MICOS13: variants seen among roughly 807,000 people sequenced by gnomAD.
MICOS13 encodes MICOS complex subunit MIC13.
In MICOS13, 15 loss-of-function variants were observed where a neutral mutation model predicts 16.1. The observed-to-expected ratio is 0.93, with a 90% CI of 0.62 to 1.44. The LOEUF is 1.44. Ranked by LOEUF, MICOS13 falls within the 40% of genes most tolerant of loss-of-function variation. The pLI is 0.00. For synonymous variants in MICOS13, 61 were observed against 62.6 expected (o/e 0.97, Z 0.12); for missense variants, 164 against 155.0 (o/e 1.06, Z -0.31).
Position 5,679,714 on chromosome 19 carries a change from C to G in MICOS13, c.79G>C (p.Asp27His), listed in dbSNP as rs2054497604. The G allele has an allele frequency of 2.5e-6, 4 of 1,610,150 alleles. No individual in the cohort carries two copies. Among genetic ancestry groups the G allele is most frequent in the South Asian group, 1.1e-5 (1 of 90,902 alleles). The change falls in exon 2 of 4, where the codon GAC (aspartate) becomes CAC (histidine). Residue 27 changes from aspartate to histidine, a missense_variant. Transcript: ENST00000309324. ...TCGCTGGGCCCCAGCAGCTCCTGGTCGTACACCAGGTAGACGGCGCCCCCA... is the reference window on the plus strand; with the variant it reads ...TCGCTGGGCCCCAGCAGCTCCTGGTGGTACACCAGGTAGACGGCGCCCCCA... ...VAGGAVYLVYDQELLGPSDKS... is the reference protein window; with the variant it reads ...VAGGAVYLVYHQELLGPSDKS...
At position 5,678,747 on chromosome 19, in the gene MICOS13, T is replaced by A. The variant is rs188735056; in HGVS notation, c.260-99A>T. 1,580 of 199,096 alleles carry A rather than the reference T, an allele frequency of 7.9e-3. 17 individuals are homozygous for A. Among genetic ancestry groups the A allele is most frequent in the Non-Finnish European group, 8.8e-3 (853 of 97,428 alleles). The allele number at this position is 199,096 out of a possible 1,614,324, so 12.3% of individuals were successfully genotyped here. ...AGAGTTTGTTTTGGGCGGTGGGGGG[T>A]GGGTGGGGGGCGGGGATGGAGTCTC... On this transcript the variant is annotated intron_variant, in intron 3 of 3. Transcript: ENST00000309324.
rs1282039076 is a variant in MICOS13 at position 5,680,445 on chromosome 19, C to T, written c.29+13G>A. Reference sequence around the variant, plus strand: ...TTTCGGGGACTCGGGTCCCCTCCGGCGCCCCCACGCACCTCATCAGCGACC... The same window carrying T: ...TTTCGGGGACTCGGGTCCCCTCCGGTGCCCCCACGCACCTCATCAGCGACC... On this transcript the variant is annotated intron_variant, in intron 1 of 3. Transcript: ENST00000309324. 1.2e-6 allele frequency: 2 copies of T among 1,613,116 alleles called. No homozygotes were observed. Among genetic ancestry groups the T allele is most frequent in the South Asian group, 1.1e-5 (1 of 91,080 alleles).
intron 1 of MICOS13, 29 bp downstream of exon 1, chr19:5,680,429 C>T: frequency 6.2e-7 from 1 of 1,613,202 alleles, no homozygotes; most frequent in East Asian, 2.2e-5. Context: ...TTTTCGGGGA[C>T]TCGGGTCCCC....
rs764273384 is a variant in MICOS13, at chr19:5,679,567, C to T, written c.207+19G>A. ...CTGACCACCCGCCAAACCCTGGCCT[C>T]GTTCCCGGCCCGTAGTACCTGGGGT... On this transcript the variant is annotated intron_variant, in intron 2 of 3. Coordinates refer to ENST00000309324, the MANE Select transcript of MICOS13 (RefSeq NM_205767.3). 8 of 1,605,650 alleles carry T rather than the reference C, an allele frequency of 5.0e-6. No homozygotes were observed. In the Admixed American group the frequency reaches 1.2e-4, roughly 24 times the overall value.
Position 5,678,654 on chromosome 19 carries a change from G to T in MICOS13, c.260-6C>A. ...TGACATCACCGTCATGATGCCTGTG[G>T]GAAAGGGACGGCCACTGGTGATACT... On this transcript the variant is annotated splice_region_variant and splice_polypyrimidine_tract_variant and intron_variant, in intron 3 of 3. Coordinates refer to ENST00000309324, the MANE Select transcript of MICOS13 (RefSeq NM_205767.3). 6.6e-7 allele frequency: 1 copy of T among 1,520,790 alleles called. No individual in the cohort carries two copies. Among genetic ancestry groups the T allele is most frequent in the Non-Finnish European group, 8.8e-7 (1 of 1,131,652 alleles). The allele number at this position is 1,520,790 out of a possible 1,614,324, so 94.2% of individuals were successfully genotyped here.
rs201308097 is a variant in MICOS13, at chr19:5,679,643, G to A, written c.150C>T (p.Pro50=). 11 of 1,609,528 alleles carry A rather than the reference G, an allele frequency of 6.8e-6. No homozygotes were observed. Among genetic ancestry groups the A allele is most frequent in the Middle Eastern group, 1.7e-4 (1 of 6,012 alleles). The change falls in exon 2 of 4, where the codon CCC becomes CCT. Residue 50 remains proline, a synonymous_variant. Coordinates refer to ENST00000309324, the MANE Select transcript of MICOS13 (RefSeq NM_205767.3). ...CGTACTGGCTGAACTGGTACATGGC[G>A]GGGGGGACCACCTCCCCAGCCTTCT... ...ALQKAGEVVP[P]AMYQFSQYVC...
At chr19:5,678,762 G>GC in intron 3 of MICOS13, 114 bp from the exon 4 acceptor site, 5 of 576,978 alleles carry the variant, frequency 8.7e-6, no homozygotes, top group African/African-American at 3.9e-5. Context: ...GGGGGGCGGG[G>GC]ATGGAGTCTC....
intron 3 of MICOS13, 81 bp from the exon 4 acceptor site, chr19:5,678,729 G>GT: frequency 3.1e-6 from 1 of 324,344 alleles, no homozygotes; most frequent in South Asian, 3.1e-5. Flanking sequence ...TCTAGAGTTT[G>GT]TTTTGGGCGG....
intron 3 of MICOS13, 117 bp from the exon 4 acceptor site, chr19:5,678,765 G>A (rs542059240): frequency 3.2e-4 from 203 of 638,632 alleles, no homozygotes; most frequent in Non-Finnish European, 4.6e-4. Context: ...GGGCGGGGAT[G>A]GAGTCTCACT....
chr19:5,680,283 C>T lies in MICOS13; in HGVS notation c.29+175G>A, dbSNP rs778829041. On this transcript the variant is annotated intron_variant, in intron 1 of 3. Transcript: ENST00000309324. ...GCAGGAGGGAGGGGATTGGCGACCT[C>T]GGGAAGCCCCGCCCCTCTGAAGCCT... 10 of 1,602,318 alleles carry T rather than the reference C, an allele frequency of 6.2e-6. No individual in the cohort carries two copies. In the African/African-American group the frequency reaches 8.0e-5, roughly 13 times the overall value.
At position 5,678,564 on chromosome 19, in the gene MICOS13, G is replaced by A. The variant is rs935510141; in HGVS notation, c.344C>T (p.Ala115Val). The A allele has an allele frequency of 5.8e-6, 9 of 1,549,216 alleles. No homozygotes were observed. The highest frequency in any genetic ancestry group is 1.9e-4 in the Middle Eastern group (1 of 5,364). Residue 115 changes from alanine to valine, a missense_variant, in exon 4 of 4, where the codon GCG (alanine) becomes GTG (valine). By Grantham distance (64) the Ala-to-Val change is moderately conservative. Coordinates refer to ENST00000309324, the MANE Select transcript of MICOS13 (RefSeq NM_205767.3). The part of the protein sequence containing the change: ...YSKEGWEYVK[A>V]RTK The stretch of plus-strand genomic sequence containing the variant: ...CCTGCTGACTCGCTACTTGGTGCGC[G>A]CCTTCACATACTCCCAGCCCTCCTT...
chr19:5,680,329 T>A (rs1316985426), intron 1 of MICOS13, 129 bp downstream of exon 1: 2 of 1,606,502 alleles, frequency 1.2e-6, no homozygotes, highest in Non-Finnish European at 1.7e-6. Flanking sequence ...ATCTGGCCCA[T>A]AGGCGGGGAA....
intron 1 of MICOS13, chr19:5,680,154 G>A: frequency 2.0e-6 from 3 of 1,536,302 alleles, no homozygotes; most frequent in Non-Finnish European, 2.6e-6. Flanking sequence ...TCTCATCCAC[G>A]CCAGCGGCAG....
intron 1 of MICOS13, chr19:5,680,175 C>T: frequency 6.5e-7 from 1 of 1,536,768 alleles, no homozygotes. Flanking sequence ...GATTCACCGG[C>T]ATTCCCACCT....
chr19:5,678,738 G>A (rs529054021), intron 3 of MICOS13, 90 bp from the exon 4 acceptor site: 57 of 764,046 alleles, frequency 7.5e-5, no homozygotes, highest in African/African-American at 6.8e-4. Flanking sequence ...TGTTTTGGGC[G>A]GTGGGGGGTG....
Position 5,679,711 on chromosome 19 carries a change from G to C in MICOS13, c.82C>G (p.Gln28Glu), listed in dbSNP as rs1197424772. The C allele has an allele frequency of 6.2e-7, 1 of 1,610,264 alleles. No homozygotes were observed. Among genetic ancestry groups the C allele is most frequent in the Admixed American group, 1.7e-5 (1 of 59,422 alleles). ...TTGTCGCTGGGCCCCAGCAGCTCCT[G>C]GTCGTACACCAGGTAGACGGCGCCC... ...AGGAVYLVYDQELLGPSDKSQ... is the reference protein window; with the variant it reads ...AGGAVYLVYDEELLGPSDKSQ... Residue 28 changes from glutamine (Q) to glutamate (E), a missense_variant, in exon 2 of 4, where the codon CAG (glutamine) becomes GAG (glutamate). By Grantham distance (29) the Gln-to-Glu change is conservative. Transcript: ENST00000309324.
Position 5,679,730 on chromosome 19 carries a change from G to A in MICOS13, c.63C>T (p.Ala21=), listed in dbSNP as rs143576762. Residue 21 remains alanine (A), a synonymous_variant, in exon 2 of 4, where the codon GCC becomes GCT. Coordinates refer to ENST00000309324, the MANE Select transcript of MICOS13 (RefSeq NM_205767.3). ...GCTCCTGGTCGTACACCAGGTAGAC[G>A]GCGCCCCCAGCCACACTTCCCTTGA... ...FLIKGSVAGG[A]VYLVYDQELL... is the part of the protein sequence containing the mutation. 100 of 1,608,456 alleles carry A rather than the reference G, an allele frequency of 6.2e-5. 1 individual carries two copies. In the African/African-American group the frequency reaches 1.2e-3, roughly 19 times the overall value.
At chr19:5,680,358 A>T (rs748083457) in intron 1 of MICOS13, 100 bp downstream of exon 1, 10 of 1,602,800 alleles carry the variant, frequency 6.2e-6, no homozygotes, top group Non-Finnish European at 4.3e-6. Context: ...AAGTGACTCT[A>T]AGGGAAGCGA....
chr19:5,679,102 G>C (rs957459926), intron 3 of MICOS13: 2 of 490,522 alleles, frequency 4.1e-6, no homozygotes, highest in Non-Finnish European at 7.3e-6. Flanking sequence ...AGTAGAGATG[G>C]GGTTTCACCA....
Sources: allele counts gnomAD v4.1 joint callset, GRCh38; gene constraint gnomAD v4.1.1; transcripts MANE v1.5; gene names NCBI Gene and HGNC (gene_info 2026-07-23, HGNC 2026-07-21).